Variants in ZNF385D observed in about 807,000 individuals in gnomAD.
The protein encoded by ZNF385D is zinc finger protein 659.
In ZNF385D, 15 loss-of-function variants were observed where a neutral mutation model predicts 35.8. That is an observed-to-expected ratio of 0.42 (90% confidence interval 0.28 to 0.64). The LOEUF is 0.64. Ranked by LOEUF, ZNF385D falls within the 30% of genes least tolerant of loss-of-function variation. The pLI is 0.23. For synonymous variants in ZNF385D, 212 were observed against 186.8 expected (o/e 1.13, Z -1.10); for missense variants, 474 against 494.6 (o/e 0.96, Z 0.39).
chr3:21,427,536 A>T (rs1701078357), intron 5 of ZNF385D, among the ~76,000 whole-genome samples: 1 of 152,190 alleles, frequency 6.6e-6, no homozygotes, highest in African/African-American at 2.4e-5. Flanking sequence ...AAGAGAAAAA[A>T]GCCAGACATA....
Position 21,566,608 on chromosome 3 carries a change from G to GAGAC in ZNF385D, c.166-1928_166-1925dup, listed in dbSNP as rs560124573. ...TCCATTCCAGCGTGGGTGACAGAGT[G>GAGAC]AGACTCTGTCTCAAAAAACAAATTA... On this transcript the variant is annotated intron_variant, in intron 2 of 7. Coordinates refer to ENST00000281523, the MANE Select transcript of ZNF385D (RefSeq NM_024697.3). Among the ~76,000 whole-genome samples the GAGAC allele has an allele frequency of 2.6e-5, 4 of 152,216 alleles. No individual in the cohort carries two copies. The South Asian group carries it at 6.2e-4, about 24-fold the overall frequency.
chr3:22,128,251 G>C (rs1703559076), intron 3 of ZNF385D, among the ~76,000 whole-genome samples: 1 of 152,180 alleles, frequency 6.6e-6, no homozygotes, highest in African/African-American at 2.4e-5. Context: ...TCTGCTGCCA[G>C]ATGCATTGGA....
intron 3 of ZNF385D, among the ~76,000 whole-genome samples, chr3:21,759,040 C>T (rs1281513028): frequency 1.5e-5 from 2 of 134,728 alleles, no homozygotes; most frequent in Non-Finnish European, 3.1e-5. Context: ...GTCCTGAACT[C>T]GAATGTTCAA....
intron 2 of ZNF385D, among the ~76,000 whole-genome samples, chr3:22,230,665 A>T (rs2125296949): frequency 6.6e-6 from 1 of 152,318 alleles, no homozygotes; most frequent in Admixed American, 6.5e-5. Context: ...AAAATGAGGG[A>T]ATCACTTAGA....
At position 22,197,637 on chromosome 3, in the gene ZNF385D, T is replaced by G. The variant is rs568205543; in HGVS notation, c.107-28602A>C. Reference sequence around the variant, plus strand: ...TGAAAGTCTGGAGCTCTACCCAAGCTTTTGCTCCATACCATAAACTCCAGT... The same window carrying G: ...TGAAAGTCTGGAGCTCTACCCAAGCGTTTGCTCCATACCATAAACTCCAGT... On this transcript the variant is annotated intron_variant, in intron 2 of 5. Transcript: ENST00000494108. Among the ~76,000 whole-genome samples the G allele has an allele frequency of 3.3e-5, 5 of 152,170 alleles. No individual in the cohort carries two copies. In the South Asian group the frequency reaches 6.2e-4, roughly 19 times the overall value.
At chr3:21,627,745 C>G (rs192102625) in intron 2 of ZNF385D, among the ~76,000 whole-genome samples, 15 of 152,186 alleles carry the variant, frequency 9.9e-5, no homozygotes, top group African/African-American at 3.6e-4. Flanking sequence ...CTGGAGTAAG[C>G]TTTACCCAGG....
intron 2 of ZNF385D, among the ~76,000 whole-genome samples, chr3:21,640,799 C>T (rs767669007): frequency 6.6e-6 from 1 of 152,112 alleles, no homozygotes; most frequent in Non-Finnish European, 1.5e-5. Context: ...TTTCTAGGCA[C>T]TGAGAAGCAC....
At chr3:22,220,546 G>T (rs887930185) in intron 2 of ZNF385D, among the ~76,000 whole-genome samples, 2 of 152,098 alleles carry the variant, frequency 1.3e-5, no homozygotes, top group African/African-American at 4.8e-5. Flanking sequence ...TGATTTTCTA[G>T]ATTCTGTTAT....
At chr3:21,697,244 A>C (rs1293026731) in intron 1 of ZNF385D, among the ~76,000 whole-genome samples, 1 of 152,190 alleles carries the variant, frequency 6.6e-6, no homozygotes, top group Non-Finnish European at 1.5e-5. Context: ...GTGAGATGCT[A>C]TTCCACATAT....
intron 2 of ZNF385D, among the ~76,000 whole-genome samples, chr3:22,347,167 G>C (rs943909645): frequency 4.6e-5 from 7 of 152,134 alleles, no homozygotes; most frequent in African/African-American, 1.7e-4. Context: ...TTCATTTTGA[G>C]CTATAGAGCA....
At chr3:21,968,592 CT>C (rs896708528) in intron 3 of ZNF385D, among the ~76,000 whole-genome samples, 30 of 152,186 alleles carry the variant, frequency 2.0e-4, no homozygotes, top group African/African-American at 6.5e-4. Context: ...AGCTGTCATA[CT>C]TTATTTCTAG....
At chr3:21,735,133 G>A (rs1269767891) in intron 1 of ZNF385D, among the ~76,000 whole-genome samples, 1 of 152,148 alleles carries the variant, frequency 6.6e-6, no homozygotes, top group Non-Finnish European at 1.5e-5. Context: ...ATGGCAGGCT[G>A]GAGGTTTGAA....
intron 3 of ZNF385D, among the ~76,000 whole-genome samples, chr3:22,062,435 A>G (rs1350722860): frequency 6.6e-6 from 1 of 152,188 alleles, no homozygotes; most frequent in Non-Finnish European, 1.5e-5. Context: ...TTAAATGAGC[A>G]AGTCTAAGTT....
intron 3 of ZNF385D, among the ~76,000 whole-genome samples, chr3:21,975,374 G>C (rs763585281): frequency 6.6e-6 from 1 of 152,076 alleles, no homozygotes; most frequent in African/African-American, 2.4e-5. Context: ...AACTCATGGA[G>C]AGAGAGAGTA....
Position 22,085,886 on chromosome 3 carries a change from A to C in ZNF385D, c.325+82931T>G, listed in dbSNP as rs561871515. Among the ~76,000 whole-genome samples the C allele has an allele frequency of 5.3e-5, 8 of 152,330 alleles. No individual in the cohort carries two copies. In the East Asian group the frequency reaches 1.3e-3, roughly 26 times the overall value. ...CAAGTCAGCTTCATCCCTGAGTTGCAAGGATGGTTTAACATATGCAAATCA... is the reference window on the plus strand; with the variant it reads ...CAAGTCAGCTTCATCCCTGAGTTGCCAGGATGGTTTAACATATGCAAATCA... On this transcript the variant is annotated intron_variant, in intron 3 of 5. Coordinates refer to the ZNF385D transcript ENST00000494108.
chr3:22,110,381 A>G (rs1014026794), intron 3 of ZNF385D, among the ~76,000 whole-genome samples: 2 of 152,028 alleles, frequency 1.3e-5, no homozygotes, highest in Admixed American at 6.6e-5. Flanking sequence ...AAGACTTGGA[A>G]CCAACCCAAA....
intron 2 of ZNF385D, among the ~76,000 whole-genome samples, chr3:22,277,241 A>G (rs894950035): frequency 2.6e-5 from 4 of 152,154 alleles, no homozygotes; most frequent in Non-Finnish European, 5.9e-5. Flanking sequence ...TGGGTTCAAC[A>G]AAGCCAGAGG....
chr3:21,556,751 A>G (rs1276231428), intron 3 of ZNF385D, among the ~76,000 whole-genome samples: 5 of 152,124 alleles, frequency 3.3e-5, no homozygotes, highest in African/African-American at 1.2e-4. Flanking sequence ...CATTGAATCT[A>G]TCAGTTACTT....
At chr3:22,156,390 C>T (rs1397913569) in intron 3 of ZNF385D, among the ~76,000 whole-genome samples, 1 of 151,890 alleles carries the variant, frequency 6.6e-6, no homozygotes, top group Non-Finnish European at 1.5e-5. Context: ...CACAGCCCCC[C>T]TGCCCCTGCA....
Sources: gnomAD v4.1 joint callset for allele counts (sites outside exome capture counted in the v4.1 genomes callset) on GRCh38, gnomAD v4.1.1 for gene constraint, MANE v1.5 for transcripts, NCBI Gene and HGNC (gene_info 2026-07-23, HGNC 2026-07-21) for gene names.